Variants in KLRG2 observed in about 807,000 individuals in gnomAD.
The protein encoded by KLRG2 is killer cell lectin like receptor G2.
In KLRG2, 39 loss-of-function variants were observed where a neutral mutation model predicts 35.4. The observed-to-expected ratio is 1.10, with a 90% CI of 0.85 to 1.44. The LOEUF (loss-of-function observed/expected upper bound fraction) is 1.44, where lower values mean the gene tolerates loss of function less well. Among genes scored for constraint, KLRG2 ranks in the 40% most tolerant of loss-of-function variants. The pLI, the probability that KLRG2 is intolerant of heterozygous loss-of-function variation, is 0.00. For missense variants in KLRG2, 632 were observed against 570.9 expected (o/e 1.11, Z -1.09); for synonymous variants, 283 against 265.8 (o/e 1.06, Z -0.63).
chr7:139,444,926 A>T, the KLRG2 span, among the ~76,000 whole-genome samples: 1 of 152,188 alleles, frequency 6.6e-6, no homozygotes. Context: ...TAATCTTCCT[A>T]TGAAGTCTTA....
chr7:139,459,622 C>CTT (rs1796535497), intron 3 of KLRG2, among the ~76,000 whole-genome samples: 2 of 152,244 alleles, frequency 1.3e-5, no homozygotes, highest in South Asian at 4.1e-4. Context: ...CTGAGCTCCT[C>CTT]TTGCCCTCAC....
intron 3 of KLRG2, among the ~76,000 whole-genome samples, chr7:139,458,837 G>A (rs1415649485): frequency 6.6e-6 from 1 of 152,158 alleles, no homozygotes; most frequent in Non-Finnish European, 1.5e-5. Context: ...CAGGCTTCTG[G>A]GAAGATGAGC....
At chr7:139,429,054 C>G in the KLRG2 span, among the ~76,000 whole-genome samples, 3 of 152,280 alleles carry the variant, frequency 2.0e-5, no homozygotes, top group Admixed American at 2.0e-4. Context: ...TGGTGGCTTA[C>G]GCCTGTAATC....
the KLRG2 span, among the ~76,000 whole-genome samples, chr7:139,439,318 G>T: frequency 3.1e-4 from 47 of 152,316 alleles, no homozygotes; most frequent in Middle Eastern, 3.4e-3. Context: ...GAAGATGGAC[G>T]TGGTGGAACA....
At chr7:139,478,142 G>A (rs1463155842) in intron 3 of KLRG2, among the ~76,000 whole-genome samples, 1 of 151,636 alleles carries the variant, frequency 6.6e-6, no homozygotes, top group Non-Finnish European at 1.5e-5. Context: ...GCCGAAGTGG[G>A]AGGATCGCTT....
chr7:139,477,348 C>T (rs2116476221), intron 3 of KLRG2, among the ~76,000 whole-genome samples: 1 of 152,178 alleles, frequency 6.6e-6, no homozygotes, highest in South Asian at 2.1e-4. Flanking sequence ...GACCGGTGAA[C>T]AAATAAGCAA....
At chr7:139,433,876 A>AT in the KLRG2 span, among the ~76,000 whole-genome samples, 239 of 151,354 alleles carry the variant, frequency 1.6e-3, no homozygotes, top group African/African-American at 5.4e-3. Context: ...ACCTCAAGTG[A>AT]TCCCCCGCCT....
intron 1 of KLRG2, 25 bp from the exon 2 acceptor site, chr7:139,480,272 T>G: frequency 2.2e-6 from 3 of 1,364,338 alleles, no homozygotes; most frequent in Non-Finnish European, 3.1e-6. Flanking sequence ...AACAGGATAA[T>G]CAGATTAGTG....
chr7:139,457,777 C>G (rs1322246014), intron 3 of KLRG2, among the ~76,000 whole-genome samples: 1 of 152,100 alleles, frequency 6.6e-6, no homozygotes, highest in African/African-American at 2.4e-5. Context: ...CCACTCCATT[C>G]CATTCTTCTT....
At chr7:139,433,971 A>C in the KLRG2 span, among the ~76,000 whole-genome samples, 3 of 152,064 alleles carry the variant, frequency 2.0e-5, no homozygotes, top group Non-Finnish European at 2.9e-5. Context: ...TTTTAACCTC[A>C]CAGGCGATTC....
intron 4 of KLRG2, 107 bp downstream of exon 4, chr7:139,454,004 C>T (rs1014839828): frequency 5.1e-6 from 4 of 792,056 alleles, no homozygotes; most frequent in South Asian, 1.5e-5. Flanking sequence ...GCGTGGGCTG[C>T]TTTCCAAGTG....
the KLRG2 span, among the ~76,000 whole-genome samples, chr7:139,433,542 T>C: frequency 6.6e-6 from 1 of 151,984 alleles, no homozygotes; most frequent in East Asian, 1.9e-4. Context: ...GTCAGGCTGG[T>C]CTCGAACTCC....
At chr7:139,482,794 T>G (rs941328234) in intron 1 of KLRG2, 92 bp downstream of exon 1, 2 of 1,186,514 alleles carry the variant, frequency 1.7e-6, no homozygotes, top group African/African-American at 3.2e-5. Flanking sequence ...GTCGGTCAGC[T>G]GCCCAGCGGT....
chr7:139,477,845 G>T (rs191802245), intron 3 of KLRG2, among the ~76,000 whole-genome samples: 2 of 151,622 alleles, frequency 1.3e-5, no homozygotes, highest in Admixed American at 6.6e-5. Context: ...TGCAAGCTCC[G>T]CCTCCCAGGT....
Position 139,483,275 on chromosome 7 carries a change from T to C in KLRG2, c.368A>G (p.Glu123Gly), listed in dbSNP as rs937611760. ...CTTCACGCGCACATCTACCTGCAGC[T>C]CCATGGGCGCCCAGGCGCTGGGCGC... is the stretch of plus-strand genomic sequence containing the variant. ...EPAPSAWAPM[E>G]LQVDVRVKPV... The change falls in exon 1 of 5, where the codon GAG (glutamate) becomes GGG (glycine). Residue 123 changes from glutamate to glycine, a missense_variant. Physicochemically the swap from Glu to Gly is moderately conservative, Grantham distance 98. Coordinates refer to ENST00000340940, the MANE Select transcript of KLRG2 (RefSeq NM_198508.4). The C allele has an allele frequency of 1.9e-6, 3 of 1,560,638 alleles. No individual in the cohort carries two copies. The highest frequency in any genetic ancestry group is 1.4e-5 in the African/African-American group (1 of 71,126).
chr7:139,448,606 T>C (rs1167586688), downstream of KLRG2: 3 of 151,572 alleles, frequency 2.0e-5, no homozygotes, highest in Non-Finnish European at 2.9e-5. Context: ...GGCAGGAGGA[T>C]TGCTTGAACC....
At chr7:139,443,447 G>T in the KLRG2 span, among the ~76,000 whole-genome samples, 1 of 152,210 alleles carries the variant, frequency 6.6e-6, no homozygotes, top group South Asian at 2.1e-4. Context: ...AAAATGACTT[G>T]ATCAACATGC....
intron 3 of KLRG2, among the ~76,000 whole-genome samples, chr7:139,476,738 C>T (rs1317471787): frequency 6.6e-6 from 1 of 152,128 alleles, no homozygotes; most frequent in East Asian, 1.9e-4. Flanking sequence ...CCACTGCACC[C>T]GGCCTCACTA....
chr7:139,433,618 G>A, the KLRG2 span, among the ~76,000 whole-genome samples: 4 of 142,840 alleles, frequency 2.8e-5, no homozygotes, highest in East Asian at 2.0e-4. Context: ...GAACCACTGC[G>A]CCCGGCCTTT....
Sources: allele counts gnomAD v4.1 joint callset (sites outside exome capture counted in the v4.1 genomes callset), GRCh38; gene constraint gnomAD v4.1.1; transcripts MANE v1.5; gene names NCBI Gene and HGNC (gene_info 2026-07-23, HGNC 2026-07-21).